LOC128092252: variants seen among roughly 807,000 people sequenced by gnomAD.
the LOC128092252 span, chr15:50,686,638 C>T: frequency 2.0e-6 from 3 of 1,507,872 alleles, no homozygotes; most frequent in Middle Eastern, 1.8e-4. Context: ...CAGCAGAGGC[C>T]GCCGGACAAG....
chr15:50,681,111 C>G, the LOC128092252 span, among the ~76,000 whole-genome samples: 2 of 152,084 alleles, frequency 1.3e-5, no homozygotes, highest in Non-Finnish European at 2.9e-5. Context: ...ATTAGCCGGG[C>G]ATGGTAGCAC....
the LOC128092252 span, among the ~76,000 whole-genome samples, chr15:50,677,610 G>A: frequency 1.3e-5 from 2 of 151,508 alleles, no homozygotes; most frequent in East Asian, 2.0e-4. Context: ...GTGGTGTCAC[G>A]CGCCTGTAAT....
chr15:50,679,539 T>TAATATATATATATATATATATATATA, the LOC128092252 span, among the ~76,000 whole-genome samples: 1 of 22,306 alleles, frequency 4.5e-5, no homozygotes, highest in Non-Finnish European at 8.1e-5. Context: ...TATATATATA[T>TAATATATATATATATATATATATATA]TTTTTTTTTT....
the LOC128092252 span, among the ~76,000 whole-genome samples, chr15:50,656,678 A>G: frequency 6.7e-6 from 1 of 148,746 alleles, no homozygotes; most frequent in Non-Finnish European, 1.5e-5. Flanking sequence ...TCCTTGAAAA[A>G]CTCTTCAATA....
chr15:50,659,873 G>A, the LOC128092252 span, among the ~76,000 whole-genome samples: 3 of 152,014 alleles, frequency 2.0e-5, no homozygotes, highest in Non-Finnish European at 2.9e-5. Context: ...TCACCATGTT[G>A]GCCAGGCTGG....
the LOC128092252 span, among the ~76,000 whole-genome samples, chr15:50,671,358 G>C: frequency 2.0e-5 from 3 of 152,112 alleles, no homozygotes; most frequent in African/African-American, 7.2e-5. Context: ...ATGTCCTCCA[G>C]GCCCATCCAG....
At chr15:50,677,888 G>A in the LOC128092252 span, among the ~76,000 whole-genome samples, 1 of 151,150 alleles carries the variant, frequency 6.6e-6, no homozygotes, top group Non-Finnish European at 1.5e-5. Flanking sequence ...CAAATTAAAA[G>A]AAATTGCCTA....
chr15:50,667,065 A>G, the LOC128092252 span, among the ~76,000 whole-genome samples: 1 of 152,138 alleles, frequency 6.6e-6, no homozygotes, highest in East Asian at 1.9e-4. Flanking sequence ...CTGGCAAACC[A>G]TAAAGGGATG....
the LOC128092252 span, among the ~76,000 whole-genome samples, chr15:50,669,741 T>A: frequency 6.6e-6 from 1 of 152,172 alleles, no homozygotes; most frequent in South Asian, 2.1e-4. Flanking sequence ...CTGACCTTGC[T>A]TTCTCCTGTG....
chr15:50,681,960 T>C, the LOC128092252 span, among the ~76,000 whole-genome samples: 3 of 152,016 alleles, frequency 2.0e-5, no homozygotes, highest in Non-Finnish European at 4.4e-5. Flanking sequence ...GGTGGATCAC[T>C]TGAGGTCAGG....
the LOC128092252 span, among the ~76,000 whole-genome samples, chr15:50,658,997 G>C: frequency 6.6e-6 from 1 of 152,244 alleles, no homozygotes; most frequent in Admixed American, 6.5e-5. Context: ...AGGAGATCAA[G>C]ACCATCCTGG....
the LOC128092252 span, among the ~76,000 whole-genome samples, chr15:50,649,267 A>C: frequency 6.6e-6 from 1 of 152,002 alleles, no homozygotes; most frequent in Non-Finnish European, 1.5e-5. Flanking sequence ...CAAGACCCTG[A>C]CTTGACAAAA....
chr15:50,654,786 A>G, the LOC128092252 span, among the ~76,000 whole-genome samples: 1 of 149,918 alleles, frequency 6.7e-6, no homozygotes, highest in Non-Finnish European at 1.5e-5. Flanking sequence ...TCACAAGGTC[A>G]GGAGATCAAG....
chr15:50,675,980 T>C, the LOC128092252 span, among the ~76,000 whole-genome samples: 1 of 152,170 alleles, frequency 6.6e-6, no homozygotes, highest in Non-Finnish European at 1.5e-5. Context: ...ACCTGTAAAA[T>C]AGGATAACAA....
At chr15:50,667,380 A>T in the LOC128092252 span, among the ~76,000 whole-genome samples, 1 of 152,176 alleles carries the variant, frequency 6.6e-6, no homozygotes, top group African/African-American at 2.4e-5. Context: ...TGTGTGTATG[A>T]TATGAAAGAG....
At chr15:50,683,895 ACT>A in the LOC128092252 span, among the ~76,000 whole-genome samples, 10 of 151,722 alleles carry the variant, frequency 6.6e-5, no homozygotes, top group Middle Eastern at 3.4e-3. Context: ...TTTGAGAAAG[ACT>A]CTCACCCAGG....
the LOC128092252 span, among the ~76,000 whole-genome samples, chr15:50,651,928 T>G: frequency 1.3e-5 from 2 of 151,860 alleles, no homozygotes; most frequent in African/African-American, 4.8e-5. Flanking sequence ...AATAATTTTC[T>G]AAATAAAGGT....
At chr15:50,653,907 T>C in the LOC128092252 span, among the ~76,000 whole-genome samples, 3 of 152,134 alleles carry the variant, frequency 2.0e-5, no homozygotes, top group Admixed American at 1.3e-4. Flanking sequence ...ATAGCAGTTT[T>C]AGTTCAGCGT....
chr15:50,671,686 T>C, the LOC128092252 span, among the ~76,000 whole-genome samples: 2 of 152,032 alleles, frequency 1.3e-5, no homozygotes, highest in African/African-American at 4.8e-5. Context: ...GGTGCCTGCC[T>C]ATAGTCCCAG....
Sources: allele counts gnomAD v4.1 joint callset (sites outside exome capture counted in the v4.1 genomes callset), GRCh38; gene constraint gnomAD v4.1.1; transcripts MANE v1.5.